The following SGCA variants were observed in gnomAD, a reference collection of about 807,000 sequenced individuals.
The protein encoded by SGCA is alpha-sarcoglycan.
In SGCA, 34 loss-of-function variants were observed where a neutral mutation model predicts 38.1. That is an observed-to-expected ratio of 0.89 (90% CI 0.68 to 1.19). The LOEUF (loss-of-function observed/expected upper bound fraction) is 1.19. SGCA is among the 50% of genes most tolerant of loss of function. The pLI is 0.00. For synonymous variants in SGCA, 209 were observed against 214.6 expected (o/e 0.97, Z 0.23); for missense variants, 476 against 524.9 (o/e 0.91, Z 0.91).
At chr17:50,170,423 T>C (rs1905281581) in intron 7 of SGCA, 72 bp downstream of exon 7, 1 of 1,483,328 alleles carries the variant, frequency 6.7e-7, no homozygotes, top group Non-Finnish European at 9.4e-7. Context: ...GTGGCACTTG[T>C]GCTGTATGGG....
rs1567747087 is a variant in SGCA at position 50,175,806 on chromosome 17, G to A, written c.*107G>A. Reference sequence around the variant, plus strand: ...CTGATTCCAGCTCCTGGCCCTCCTGGAACCCAGGCTCTAAACAAGCAGGGA... The same window carrying A: ...CTGATTCCAGCTCCTGGCCCTCCTGAAACCCAGGCTCTAAACAAGCAGGGA... On this transcript the variant is annotated 3_prime_UTR_variant, in exon 10 of 10. Coordinates refer to ENST00000262018, the MANE Select transcript of SGCA (RefSeq NM_000023.4). The A allele has an allele frequency of 2.0e-6, 1 of 498,174 alleles. No homozygotes were observed. Among genetic ancestry groups the A allele is most frequent in the Non-Finnish European group, 3.9e-6 (1 of 254,670 alleles). The allele number at this position is 498,174 out of a possible 1,614,324, so 30.9% of individuals were successfully genotyped here. A position where few individuals can be genotyped will look rare whatever the true frequency, so the allele number is the denominator to read the frequency against.
chr17:50,169,507 T>A, intron 6 of SGCA: 1 of 533,202 alleles, frequency 1.9e-6, no homozygotes, highest in South Asian at 2.4e-5. Context: ...GCATGTGGGG[T>A]CTCCAACTCC....
chr17:50,171,798 T>TG, intron 8 of SGCA: 1 of 456,744 alleles, frequency 2.2e-6, no homozygotes, highest in South Asian at 1.5e-5. Flanking sequence ...TAGCCCGTGG[T>TG]GGAAACAGCC....
intron 5 of SGCA, 41 bp downstream of exon 5, chr17:50,168,613 T>C: frequency 6.6e-7 from 1 of 1,525,870 alleles, no homozygotes. Context: ...AAGAGGAGGA[T>C]GCAGCTTGTG....
Position 50,167,522 on chromosome 17 carries a change from T to C in SGCA, c.157+35T>C. The C allele has an allele frequency of 6.2e-7, 1 of 1,614,086 alleles. No individual in the cohort carries two copies. Among genetic ancestry groups the C allele is most frequent in the South Asian group, 1.1e-5 (1 of 91,084 alleles). ...CTGACAGGCACCCAGGCGGGCGGGC[T>C]GGGGTGTACCCCGCAGGGCTCCTGC... On this transcript the variant is annotated intron_variant, in intron 2 of 9. Transcript: ENST00000262018. The surrounding 1 kb of genome is among the most constrained non-coding windows in gnomAD (Gnocchi z 4.5).
At chr17:50,172,459 G>C in intron 8 of SGCA, 1 of 349,088 alleles carries the variant, frequency 2.9e-6, no homozygotes, top group Non-Finnish European at 5.7e-6. Flanking sequence ...ATGTGTGTGT[G>C]CACATGCCTG....
chr17:50,173,767 A>G (rs1249861038), intron 8 of SGCA, among the ~76,000 whole-genome samples: 1 of 152,052 alleles, frequency 6.6e-6, no homozygotes, highest in Non-Finnish European at 1.5e-5. Context: ...CAGACTCAAG[A>G]GCTCATCTTG....
At chr17:50,168,170 G>T in intron 4 of SGCA, 151 bp downstream of exon 4, 1 of 858,300 alleles carries the variant, frequency 1.2e-6, no homozygotes, top group South Asian at 1.4e-5. Context: ...GGGAATGGGT[G>T]CTGGGCTGGG....
intron 4 of SGCA, among the ~76,000 whole-genome samples, 164 bp downstream of exon 4, chr17:50,168,183 T>C (rs1260024433): frequency 6.6e-6 from 1 of 152,186 alleles, no homozygotes; most frequent in Non-Finnish European, 1.5e-5. Flanking sequence ...GGGCTGGGAT[T>C]CCAGGCTCTG....
chr17:50,173,272 A>T (rs1260239677), intron 8 of SGCA, among the ~76,000 whole-genome samples: 2 of 152,092 alleles, frequency 1.3e-5, no homozygotes, highest in Non-Finnish European at 2.9e-5. Context: ...TTTCACCTAG[A>T]TCAGATTTCA....
rs564456784 is a variant in SGCA at position 50,172,453 on chromosome 17, G to A, written c.983+1787G>A. The A allele has an allele frequency of 7.8e-5, 28 of 357,588 alleles. No individual in the cohort carries two copies. In the East Asian group the frequency reaches 2.0e-3, roughly 25 times the overall value. The allele number at this position is 357,588 out of a possible 1,614,324, so 22.2% of individuals were successfully genotyped here. ...GCACGGTGCGTGCACATATGCATGTGTGTGTGCACATGCCTGGGCGGATTT... is the reference window on the plus strand; with the variant it reads ...GCACGGTGCGTGCACATATGCATGTATGTGTGCACATGCCTGGGCGGATTT... On this transcript the variant is annotated intron_variant, in intron 8 of 9. Coordinates refer to ENST00000262018, the MANE Select transcript of SGCA (RefSeq NM_000023.4).
intron 8 of SGCA, chr17:50,172,511 C>T (rs1462356512): frequency 3.0e-6 from 1 of 336,336 alleles, no homozygotes; most frequent in Non-Finnish European, 5.9e-6. Flanking sequence ...GAGAGGGTCT[C>T]ACTTTGTCAC....
chr17:50,170,782 C>A, intron 8 of SGCA, 116 bp downstream of exon 8: 1 of 871,260 alleles, frequency 1.1e-6, no homozygotes, highest in Non-Finnish European at 1.9e-6. Context: ...GGGTGATGCT[C>A]ACCCCTTCCC....
chr17:50,169,365 A>G (rs1905188196), intron 6 of SGCA, 111 bp downstream of exon 6: 1 of 912,448 alleles, frequency 1.1e-6, no homozygotes, highest in Non-Finnish European at 1.7e-6. Context: ...TCCAGTCACC[A>G]TTTCTTTCCC....
At position 50,170,189 on chromosome 17, in the gene SGCA, G is replaced by A. The variant is rs1905256098; in HGVS notation, c.794G>A (p.Gly265Asp). 1 of 1,614,176 alleles carries A rather than the reference G, an allele frequency of 6.2e-7. No homozygotes were observed. Among genetic ancestry groups the A allele is most frequent in the Non-Finnish European group, 8.5e-7 (1 of 1,180,038 alleles). Reference sequence around the variant, plus strand: ...CCTGCAGATGAGGTGCCCACCCCAGGTGATGGGATCCTGGAGCATGACCCG... The same window carrying A: ...CCTGCAGATGAGGTGCCCACCCCAGATGATGGGATCCTGGAGCATGACCCG... Reference protein sequence around the residue: ...PEPADEVPTPGDGILEHDPFF... With the variant: ...PEPADEVPTPDDGILEHDPFF... The change falls in exon 7 of 10, where the codon GGT becomes GAT. Residue 265 changes from glycine to aspartate, a missense_variant. By Grantham distance (94) the Gly-to-Asp change is moderately conservative (BLOSUM62 -1). Coordinates refer to ENST00000262018, the MANE Select transcript of SGCA (RefSeq NM_000023.4).
At chr17:50,171,477 T>C (rs1384682293) in intron 8 of SGCA, 1 of 456,520 alleles carries the variant, frequency 2.2e-6, no homozygotes, top group Non-Finnish European at 4.4e-6. Flanking sequence ...CCAATGGCGG[T>C]CTTGGCACCC....
chr17:50,171,718 AC>A, intron 8 of SGCA: 1 of 456,780 alleles, frequency 2.2e-6, no homozygotes, highest in Non-Finnish European at 4.4e-6. Flanking sequence ...CCTGCCGGTC[AC>A]CTGCTGAGCC....
rs1289070360 is a variant in SGCA, at chr17:50,171,963, A to C, written c.983+1297A>C. On this transcript the variant is annotated intron_variant, in intron 8 of 9. Coordinates refer to ENST00000262018, the MANE Select transcript of SGCA (RefSeq NM_000023.4). ...GGGACACGCTGCCCTGCTGGCCTCCACCCATGGCAGTATTTGAGTTCAACA... is the reference window on the plus strand; with the variant it reads ...GGGACACGCTGCCCTGCTGGCCTCCCCCCATGGCAGTATTTGAGTTCAACA... 1.1e-5 allele frequency: 5 copies of C among 456,674 alleles called. No individual in the cohort carries two copies. In the Admixed American group the frequency reaches 1.2e-4, roughly 11 times the overall value. The allele number at this position is 456,674 out of a possible 1,614,324, so 28.3% of individuals were successfully genotyped here. A position where few individuals can be genotyped will look rare whatever the true frequency, so the allele number is the denominator to read the frequency against.
chr17:50,167,487 G>A lies in SGCA; in HGVS notation c.157G>A (p.Ala53Thr), dbSNP rs60407644. 11 of 1,614,166 alleles carry A rather than the reference G, an allele frequency of 6.8e-6. No homozygotes were observed. The highest frequency in any genetic ancestry group is 2.2e-5 in the East Asian group (1 of 44,886). ...ETFLSLPEHV[A>T]VPPAVHITYH... Reference sequence around the variant, plus strand: ...GTTTCTGAGCCTTCCTGAGCATGTCGGTGAGCGGCCTGACAGGCACCCAGG... The same window carrying A: ...GTTTCTGAGCCTTCCTGAGCATGTCAGTGAGCGGCCTGACAGGCACCCAGG... Residue 53 changes from alanine (A) to threonine (T), a missense_variant and splice_region_variant, in exon 2 of 10, where the codon GCT becomes ACT. Physicochemically the swap from Ala to Thr is moderately conservative, Grantham distance 58 (BLOSUM62 0). Coordinates refer to ENST00000262018, the MANE Select transcript of SGCA (RefSeq NM_000023.4). This position sits in a 1 kb window ranked among gnomAD's most constrained non-coding sequence, Gnocchi z 4.5.
Sources: gnomAD v4.1 joint callset for allele counts (sites outside exome capture counted in the v4.1 genomes callset) on GRCh38, gnomAD v4.1.1 for gene constraint, Gnocchi (gnomAD v3.1) non-coding constraint, MANE v1.5 for transcripts, NCBI Gene and HGNC (gene_info 2026-07-23, HGNC 2026-07-21) for gene names.